The following AGMO variants were observed in gnomAD, a reference collection of about 807,000 sequenced individuals.
The protein encoded by AGMO is alkylglycerol monooxygenase, also known as glyceryl-ether monooxygenase.
A neutral mutation model predicts 60.2 loss-of-function variants in AGMO; 75 were observed. That is an observed-to-expected ratio of 1.25 (90% CI 1.03 to 1.51). AGMO has a LOEUF of 1.51. AGMO is among the 40% of genes most tolerant of loss of function. The probability of loss-of-function intolerance (pLI) is 0.00; values close to 1 mark genes in which losing one functional copy is unlikely to be tolerated. For synonymous variants in AGMO, 261 were observed against 177.1 expected (o/e 1.47, Z -3.76); for missense variants, 763 against 525.5 (o/e 1.45, Z -4.42).
At chr7:15,298,216 G>A (rs539957425) in intron 12 of AGMO, among the ~76,000 whole-genome samples, 10 of 152,210 alleles carry the variant, frequency 6.6e-5, no homozygotes, top group African/African-American at 2.2e-4. Context: ...GTATTAATGT[G>A]ATAAAAAATG....
rs1780846813 is a variant in AGMO at position 15,418,645 on chromosome 7, G to A, written c.522C>T (p.Tyr174=). The change falls in exon 5 of 13, where the codon TAC becomes TAT. Residue 174 remains tyrosine (Y), a synonymous_variant. Transcript: ENST00000342526. The stretch of plus-strand genomic sequence containing the variant: ...GGGGTATGAAGAGGGCCAGGGGAGA[G>A]TAGAAAATCTGAAAGAAAAAATTAA... ...VLQIYTSWIF[Y]SPLALFIPPS... 6.4e-7 allele frequency: 1 copy of A among 1,550,464 alleles called. No homozygotes were observed. The highest frequency in any genetic ancestry group is 1.8e-4 in the Middle Eastern group (1 of 5,452).
chr7:15,273,990 T>G (rs1783701623), intron 12 of AGMO, among the ~76,000 whole-genome samples: 1 of 152,162 alleles, frequency 6.6e-6, no homozygotes, highest in Non-Finnish European at 1.5e-5. Flanking sequence ...GAGACTTTGC[T>G]GAAGTTACTT....
intron 12 of AGMO, among the ~76,000 whole-genome samples, chr7:15,341,287 A>G (rs1430814658): frequency 6.6e-6 from 1 of 152,106 alleles, no homozygotes; most frequent in African/African-American, 2.4e-5. Context: ...ATGCTTTGCT[A>G]CTTAGAAATT....
At chr7:15,355,683 T>C (rs541814301) in intron 12 of AGMO, among the ~76,000 whole-genome samples, 152 of 152,066 alleles carry the variant, frequency 1.0e-3, no homozygotes, top group African/African-American at 3.4e-3. Context: ...ATGGAAAAAA[T>C]TGATGTCTAT....
At position 15,548,086 on chromosome 7, in the gene AGMO, C is replaced by T. The variant is rs555048876; in HGVS notation, c.258-3163G>A. ...CACCTCACACGGCAGGGTATTCCAACAGACCTGCAGCTGACGGTCATGTCT... is the reference window on the plus strand; with the variant it reads ...CACCTCACACGGCAGGGTATTCCAATAGACCTGCAGCTGACGGTCATGTCT... On this transcript the variant is annotated intron_variant, in intron 2 of 12. Transcript: ENST00000342526. Among the ~76,000 whole-genome samples the T allele has an allele frequency of 2.9e-3, 447 of 152,200 alleles. 2 individuals carry two copies. The highest frequency in any genetic ancestry group is 9.4e-3 in the African/African-American group (390 of 41,498).
At chr7:15,357,292 G>A (rs1456991826) in intron 12 of AGMO, among the ~76,000 whole-genome samples, 2 of 151,014 alleles carry the variant, frequency 1.3e-5, no homozygotes, top group East Asian at 2.0e-4. Flanking sequence ...ACATTGTTGA[G>A]GACAGTCTAT....
In AGMO at chr7:15,498,904, A is replaced by T. The variant is rs1024065622; in HGVS notation, c.409+45868T>A. Among the ~76,000 whole-genome samples the T allele has an allele frequency of 7.9e-5, 12 of 152,078 alleles. No homozygotes were observed. The East Asian group carries it at 1.5e-3, about 20-fold the overall frequency. On this transcript the variant is annotated intron_variant, in intron 3 of 12. Coordinates refer to ENST00000342526, the MANE Select transcript of AGMO (RefSeq NM_001004320.2). ...AGCATCTAAAATGTAAGAAAGTTTT[A>T]TTTGATATCTAATATGAAACAGTCT...
At chr7:15,518,582 T>A (rs1783888876) in intron 3 of AGMO, among the ~76,000 whole-genome samples, 1 of 152,098 alleles carries the variant, frequency 6.6e-6, no homozygotes, top group Non-Finnish European at 1.5e-5. Flanking sequence ...AAGAGGGGCC[T>A]CACTGTTAGA....
chr7:15,400,119 G>A (rs1054110232), intron 5 of AGMO, among the ~76,000 whole-genome samples: 1 of 152,016 alleles, frequency 6.6e-6, no homozygotes, highest in Non-Finnish European at 1.5e-5. Context: ...TAAAAATTGT[G>A]CCTTACCATT....
In AGMO at chr7:15,322,616, A is replaced by ATG. The variant is rs1563086571; in HGVS notation, c.1263+42897_1263+42898insCA. On this transcript the variant is annotated intron_variant, in intron 12 of 12. Transcript: ENST00000342526. ...TAAATATATATAAATATATATAAAT[A>ATG]TATAAATATATATAAATATATATAA... 4.7e-4 allele frequency among the ~76,000 whole-genome samples: 31 copies of ATG among 65,702 alleles called. 11 individuals carry two copies. The highest frequency in any genetic ancestry group is 2.8e-3 in the African/African-American group (30 of 10,710). 43.1% of individuals were successfully genotyped at this position (65,702 alleles called of 152,430 possible). A position where few individuals can be genotyped will look rare whatever the true frequency, so the allele number is the denominator to read the frequency against.
chr7:15,353,825 T>C (rs1397285598), intron 12 of AGMO, among the ~76,000 whole-genome samples: 3 of 152,118 alleles, frequency 2.0e-5, no homozygotes, highest in African/African-American at 7.2e-5. Context: ...TAACAGCATA[T>C]GGGAGAAGGG....
chr7:15,546,156 A>T (rs569434023), intron 2 of AGMO, among the ~76,000 whole-genome samples: 2 of 152,274 alleles, frequency 1.3e-5, no homozygotes, highest in East Asian at 3.9e-4. Context: ...GTGATTTAAT[A>T]TCTTTAAAAT....
intron 12 of AGMO, chr7:15,358,127 T>C (rs527565653): frequency 5.7e-6 from 1 of 176,932 alleles, no homozygotes; most frequent in East Asian, 1.7e-4. Flanking sequence ...TTGAAGTCAA[T>C]GAACATTTAA....
intron 12 of AGMO, among the ~76,000 whole-genome samples, chr7:15,241,459 CAAAAAA>C (rs61727790): frequency 3.9e-5 from 2 of 51,358 alleles, no homozygotes; most frequent in Non-Finnish European, 7.3e-5. Flanking sequence ...GACTCCGTCT[CAAAAAA>C]AAAAAAAAAA....
intron 5 of AGMO, among the ~76,000 whole-genome samples, chr7:15,406,934 C>A (rs1037756856): frequency 3.1e-5 from 4 of 128,332 alleles, no homozygotes; most frequent in African/African-American, 1.1e-4. Context: ...CACACGCGCA[C>A]ACACACACAC....
chr7:15,346,894 ATATT>A (rs781502950), intron 12 of AGMO, among the ~76,000 whole-genome samples: 3 of 151,884 alleles, frequency 2.0e-5, no homozygotes, highest in South Asian at 2.1e-4. Context: ...TATTTTATGT[ATATT>A]TATTTCTCAT....
intron 3 of AGMO, among the ~76,000 whole-genome samples, chr7:15,525,535 C>T (rs1422918949): frequency 6.6e-6 from 1 of 152,124 alleles, no homozygotes; most frequent in African/African-American, 2.4e-5. Context: ...GAGAGAGAGA[C>T]CCCGCTGAGA....
chr7:15,264,247 T>A (rs1198261523), intron 12 of AGMO, among the ~76,000 whole-genome samples: 2 of 151,890 alleles, frequency 1.3e-5, no homozygotes, highest in African/African-American at 4.8e-5. Flanking sequence ...AAGCTTAAAA[T>A]ATATATTTTA....
chr7:15,201,335 A>C lies in AGMO; in HGVS notation c.1288T>G (p.Phe430Val). The C allele has an allele frequency of 6.2e-7, 1 of 1,612,806 alleles. No homozygotes were observed. The highest frequency in any genetic ancestry group is 1.1e-5 in the South Asian group (1 of 90,866). Residue 430 changes from phenylalanine (F) to valine (V), a missense_variant, in exon 13 of 13, where the codon TTC becomes GTC. Transcript: ENST00000342526. ...TGTTTCATGCTTCTAACTCCCCAGA[A>C]AGCAATGCAAATGGAAAAAACAATC... ...FEIVFSICIA[F>V]WGVRSMKQLT...
Sources: allele counts gnomAD v4.1 joint callset (sites outside exome capture counted in the v4.1 genomes callset), GRCh38; gene constraint gnomAD v4.1.1; transcripts MANE v1.5; gene names NCBI Gene and HGNC (gene_info 2026-07-23, HGNC 2026-07-21).